Variants in CUEDC1 observed in about 807,000 individuals in gnomAD.
The protein encoded by CUEDC1 is CUE domain-containing protein 1.
CUEDC1 carries 30 observed loss-of-function variants against 43.7 expected under a neutral mutation model. The ratio of observed to expected loss-of-function variants is 0.69; its 90% CI spans 0.51 to 0.93. The LOEUF (loss-of-function observed/expected upper bound fraction) is 0.93. Ranked by LOEUF, CUEDC1 falls within the 40% of genes least tolerant of loss-of-function variation. The pLI is 0.00. For missense variants in CUEDC1, 486 were observed against 549.0 expected, an observed-to-expected ratio of 0.89 and a Z score of 1.15; for synonymous variants, 223 against 223.6, an observed-to-expected ratio of 1.00 and a Z score of 0.02.
At chr17:57,909,341 C>T (rs113082241) in intron 1 of CUEDC1, among the ~76,000 whole-genome samples, 156 of 152,350 alleles carry the variant, frequency 1.0e-3, no homozygotes, top group African/African-American at 3.4e-3. Flanking sequence ...CATACCATCA[C>T]ATTTCAAGTG....
rs1369275091 is a variant in CUEDC1 at position 57,955,392 on chromosome 17, G to A, written c.-483C>T. ...AAAGTGAGGCGAGGCCGGCTTCCTA[G>A]CGGCGGGCGGCGAGAAATGCAGCTG... On this transcript the variant is annotated 5_prime_UTR_variant, in exon 1 of 11. Coordinates refer to ENST00000577830, the MANE Select transcript of CUEDC1 (RefSeq NM_001271875.2). The surrounding 1 kb of genome is among the most constrained non-coding windows in gnomAD (Gnocchi z 5.3). 6.7e-6 allele frequency: 1 copy of A among 148,706 alleles called. No individual in the cohort carries two copies. The highest frequency in any genetic ancestry group is 2.0e-4 in the East Asian group (1 of 5,020). The allele number at this position is 148,706 out of a possible 1,614,324, so 9.2% of individuals were successfully genotyped here.
chr17:57,950,634 G>A (rs528954088), intron 1 of CUEDC1, among the ~76,000 whole-genome samples: 21 of 152,006 alleles, frequency 1.4e-4, no homozygotes, highest in South Asian at 4.2e-4. Flanking sequence ...CACCATGCCC[G>A]GCTAATTTTT....
chr17:57,931,336 G>A (rs1458110532), intron 1 of CUEDC1, among the ~76,000 whole-genome samples: 2 of 152,012 alleles, frequency 1.3e-5, no homozygotes, highest in Non-Finnish European at 2.9e-5. Context: ...GGTACAATTC[G>A]CAGGAAAAAC....
At chr17:57,868,702 C>T (rs1420934779) in intron 7 of CUEDC1, among the ~76,000 whole-genome samples, 1 of 152,066 alleles carries the variant, frequency 6.6e-6, no homozygotes, top group Non-Finnish European at 1.5e-5. Context: ...GGCTGTGGGT[C>T]TGTGTGGCGG....
chr17:57,867,310 C>A, intron 9 of CUEDC1, 47 bp downstream of exon 9: 1 of 1,528,490 alleles, frequency 6.5e-7, no homozygotes. Context: ...GCTGGGAGAT[C>A]ACCGATCATA....
At chr17:57,949,309 G>C (rs2074984343) in intron 1 of CUEDC1, among the ~76,000 whole-genome samples, 2 of 152,170 alleles carry the variant, frequency 1.3e-5, no homozygotes, top group East Asian at 1.9e-4. Flanking sequence ...TCCCTTACTA[G>C]ACAGGAGGCA....
intron 1 of CUEDC1, among the ~76,000 whole-genome samples, chr17:57,902,516 C>T (rs564223043): frequency 1.3e-5 from 2 of 152,300 alleles, no homozygotes; most frequent in South Asian, 4.1e-4. Flanking sequence ...AACCTGTGTG[C>T]ATGTGCAAAA....
intron 1 of CUEDC1, among the ~76,000 whole-genome samples, chr17:57,925,633 T>C (rs968199068): frequency 2.6e-5 from 4 of 152,134 alleles, no homozygotes; most frequent in Non-Finnish European, 5.9e-5. Flanking sequence ...CGAAGATCCC[T>C]GCCAGTGCCG....
intron 2 of CUEDC1, among the ~76,000 whole-genome samples, chr17:57,880,212 C>G (rs140271011): frequency 2.0e-5 from 3 of 152,314 alleles, no homozygotes; most frequent in African/African-American, 4.8e-5. Flanking sequence ...TCATGTGCTC[C>G]TGTACCCATG....
At chr17:57,891,295 A>G (rs2074352724) in intron 1 of CUEDC1, among the ~76,000 whole-genome samples, 1 of 151,954 alleles carries the variant, frequency 6.6e-6, no homozygotes, top group Non-Finnish European at 1.5e-5. Context: ...GTTAATGGCA[A>G]CTCTCCCTGG....
chr17:57,939,353 C>T (rs1004062585), intron 1 of CUEDC1, among the ~76,000 whole-genome samples: 1 of 151,976 alleles, frequency 6.6e-6, no homozygotes, highest in Non-Finnish European at 1.5e-5. Context: ...CAGCCTTGAA[C>T]TCCTGGGCTC....
At chr17:57,872,980 C>T in intron 4 of CUEDC1, 125 bp from the exon 5 acceptor site, 4 of 884,724 alleles carry the variant, frequency 4.5e-6, no homozygotes, top group South Asian at 3.5e-5. Context: ...GAGGCTCACA[C>T]CTCCTAATGG....
intron 3 of CUEDC1, among the ~76,000 whole-genome samples, chr17:57,878,042 C>T (rs750730693): frequency 6.6e-6 from 1 of 152,118 alleles, no homozygotes; most frequent in Non-Finnish European, 1.5e-5. Flanking sequence ...TGGTACCACT[C>T]GTGACAAAGA....
chr17:57,890,570 C>T (rs959096269), intron 1 of CUEDC1, among the ~76,000 whole-genome samples: 3 of 152,256 alleles, frequency 2.0e-5, no homozygotes, highest in Non-Finnish European at 4.4e-5. Flanking sequence ...AAACCCCACA[C>T]CTGTCCTCCT....
At chr17:57,893,047 G>A (rs1303021540) in intron 1 of CUEDC1, among the ~76,000 whole-genome samples, 2 of 152,222 alleles carry the variant, frequency 1.3e-5, no homozygotes, top group African/African-American at 4.8e-5. Context: ...CCCGTATGAG[G>A]ACACGCAGGC....
At chr17:57,868,769 G>C (rs1279581357) in intron 7 of CUEDC1, among the ~76,000 whole-genome samples, 1 of 152,024 alleles carries the variant, frequency 6.6e-6, no homozygotes, top group Non-Finnish European at 1.5e-5. Context: ...GTGGAAAGAG[G>C]TCCCCCACCC....
intron 1 of CUEDC1, among the ~76,000 whole-genome samples, chr17:57,936,891 G>A (rs1168059692): frequency 6.6e-6 from 1 of 151,482 alleles, no homozygotes; most frequent in Non-Finnish European, 1.5e-5. Context: ...CGTGATCTCG[G>A]CTCACTGCAA....
At chr17:57,893,238 G>T (rs1249835545) in intron 1 of CUEDC1, among the ~76,000 whole-genome samples, 3 of 152,206 alleles carry the variant, frequency 2.0e-5, no homozygotes, top group East Asian at 3.8e-4. Flanking sequence ...ACCTCAGAGC[G>T]GGTGGGGTGC....
chr17:57,872,557 C>T, intron 5 of CUEDC1, 106 bp downstream of exon 5: 1 of 1,275,244 alleles, frequency 7.8e-7, no homozygotes, highest in Non-Finnish European at 1.1e-6. Context: ...ACAGAAAGCA[C>T]CTGGCCCCCT....
Sources: gnomAD v4.1 joint callset for allele counts (sites outside exome capture counted in the v4.1 genomes callset) on GRCh38, gnomAD v4.1.1 for gene constraint, Gnocchi (gnomAD v3.1) non-coding constraint, MANE v1.5 for transcripts, NCBI Gene and HGNC (gene_info 2026-07-23, HGNC 2026-07-21) for gene names.